The following DLC1 variants were observed in gnomAD, a reference collection of about 807,000 sequenced individuals.
The protein encoded by DLC1 is rho GTPase-activating protein 7.
Under a neutral mutation model 140.3 loss-of-function variants are expected in DLC1, and 54 were observed. The ratio of observed to expected loss-of-function variants is 0.38; its 90% CI spans 0.31 to 0.48. The LOEUF is 0.48. Ranked by LOEUF, DLC1 falls within the 20% of genes least tolerant of loss-of-function variation. The probability of loss-of-function intolerance (pLI) is 0.96; values close to 1 mark genes in which losing one functional copy is unlikely to be tolerated. For synonymous variants in DLC1, 986 were observed against 728.1 expected (o/e 1.35, Z -5.70); for missense variants, 2,536 against 1,907.0 (o/e 1.33, Z -6.14).
intron 6 of DLC1, among the ~76,000 whole-genome samples, chr8:13,111,573 GACT>G (rs1415726786): frequency 1.3e-5 from 2 of 152,138 alleles, no homozygotes; most frequent in African/African-American, 4.8e-5. Context: ...CCTTTCTCTG[GACT>G]ACATAAAAAG....
chr8:13,322,338 T>G (rs1318549287), intron 4 of DLC1, among the ~76,000 whole-genome samples: 2 of 152,132 alleles, frequency 1.3e-5, no homozygotes, highest in African/African-American at 4.8e-5. Flanking sequence ...GTTTGAAAGC[T>G]TCTAACTCTA....
chr8:13,567,480 C>A (rs1563445858), intron 1 of DLC1: 3 of 1,552,054 alleles, frequency 1.9e-6, no homozygotes, highest in Non-Finnish European at 2.6e-6. Context: ...AGAGAGATGC[C>A]TTTAGTTGTA....
chr8:13,312,830 C>G (rs1237563575), intron 4 of DLC1, among the ~76,000 whole-genome samples: 1 of 151,992 alleles, frequency 6.6e-6, no homozygotes, highest in South Asian at 2.1e-4. Flanking sequence ...TTTTTTAAGT[C>G]TGATCTATGA....
At chr8:13,141,818 T>A (rs1245597654) in intron 5 of DLC1, among the ~76,000 whole-genome samples, 1 of 152,228 alleles carries the variant, frequency 6.6e-6, no homozygotes, top group African/African-American at 2.4e-5. Flanking sequence ...TCTTATTGAT[T>A]CAGTTGAATT....
chr8:13,571,213 G>A (rs974572633), intron 1 of DLC1, among the ~76,000 whole-genome samples: 2 of 151,934 alleles, frequency 1.3e-5, no homozygotes, highest in African/African-American at 4.8e-5. Context: ...TTTTCTTGGG[G>A]TAAAATCTAC....
intron 5 of DLC1, among the ~76,000 whole-genome samples, chr8:13,272,059 T>C (rs1224376926): frequency 6.6e-6 from 1 of 152,254 alleles, no homozygotes; most frequent in African/African-American, 2.4e-5. Flanking sequence ...TTATATGTCA[T>C]GTTCTCCAAA....
chr8:13,406,173 A>G (rs1585052654), intron 2 of DLC1, among the ~76,000 whole-genome samples: 1 of 51,870 alleles, frequency 1.9e-5, no homozygotes, highest in Non-Finnish European at 4.1e-5. Flanking sequence ...TCCCCAGCTA[A>G]TTTTTGTGTT....
intron 5 of DLC1, among the ~76,000 whole-genome samples, chr8:13,301,565 G>C (rs142586095): frequency 6.6e-6 from 1 of 152,332 alleles, no homozygotes; most frequent in East Asian, 1.9e-4. Context: ...TGAGGGAGAT[G>C]AGGAAGTTAA....
intron 5 of DLC1, among the ~76,000 whole-genome samples, chr8:13,155,266 T>C (rs1464140023): frequency 6.6e-6 from 1 of 152,088 alleles, no homozygotes; most frequent in East Asian, 1.9e-4. Context: ...TGGTCATTTA[T>C]AATGTATCCA....
At chr8:13,151,407 G>A (rs1213910602) in intron 5 of DLC1, among the ~76,000 whole-genome samples, 2 of 152,146 alleles carry the variant, frequency 1.3e-5, no homozygotes, top group Non-Finnish European at 2.9e-5. Context: ...GGCAGAATTT[G>A]AACAACTTGC....
At chr8:13,278,078 T>G (rs573622110) in intron 5 of DLC1, among the ~76,000 whole-genome samples, 3 of 152,342 alleles carry the variant, frequency 2.0e-5, no homozygotes, top group Admixed American at 1.3e-4. Context: ...GTTCCCAAAC[T>G]GTTAAAGCTC....
chr8:13,317,831 A>G (rs138961587), intron 4 of DLC1, among the ~76,000 whole-genome samples: 1 of 152,290 alleles, frequency 6.6e-6, no homozygotes, highest in Non-Finnish European at 1.5e-5. Flanking sequence ...AGTTGTAGTC[A>G]AGAGTCCAGT....
intron 2 of DLC1, among the ~76,000 whole-genome samples, chr8:13,406,835 ATTC>A (rs1837587202): frequency 6.6e-6 from 1 of 152,206 alleles, no homozygotes. Flanking sequence ...TGAACAGGCT[ATTC>A]TTAATGGAAT....
intron 8 of DLC1, among the ~76,000 whole-genome samples, chr8:13,101,901 G>A (rs576099668): frequency 2.8e-4 from 42 of 152,246 alleles, no homozygotes; most frequent in South Asian, 2.5e-3. Context: ...GGCACAATTC[G>A]GTATGATACA....
chr8:13,343,770 T>C (rs1243503560), intron 4 of DLC1, among the ~76,000 whole-genome samples: 2 of 152,184 alleles, frequency 1.3e-5, no homozygotes, highest in African/African-American at 4.8e-5. Flanking sequence ...CTAAACATAG[T>C]TTTAAGGCCT....
At chr8:13,372,643 C>T (rs1464438780) in intron 4 of DLC1, among the ~76,000 whole-genome samples, 1 of 152,132 alleles carries the variant, frequency 6.6e-6, no homozygotes, top group East Asian at 1.9e-4. Context: ...TAACTAAGCG[C>T]TAAACTATTT....
intron 5 of DLC1, among the ~76,000 whole-genome samples, chr8:13,276,096 T>C (rs1831152134): frequency 6.6e-6 from 1 of 152,148 alleles, no homozygotes; most frequent in South Asian, 2.1e-4. Flanking sequence ...CCATCAAGGT[T>C]AAATACTAGA....
At chr8:13,279,817 A>G (rs1284331398) in intron 5 of DLC1, among the ~76,000 whole-genome samples, 1 of 152,228 alleles carries the variant, frequency 6.6e-6, no homozygotes, top group Non-Finnish European at 1.5e-5. Flanking sequence ...TGCCACTTAG[A>G]CAATAATTTC....
chr8:13,116,331 A>G (rs527778779), intron 5 of DLC1: 1 of 666,766 alleles, frequency 1.5e-6, no homozygotes, highest in African/African-American at 2.0e-5. Flanking sequence ...ATCGATAAAC[A>G]GAAAGGCCAA....
Sources: gnomAD v4.1 joint callset for allele counts (sites outside exome capture counted in the v4.1 genomes callset) on GRCh38, gnomAD v4.1.1 for gene constraint, MANE v1.5 for transcripts, NCBI Gene and HGNC (gene_info 2026-07-23, HGNC 2026-07-21) for gene names.